Variants in SAMHD1 observed in about 807,000 individuals in gnomAD.
SAMHD1 encodes SAM and HD domain containing deoxynucleoside triphosphate triphosphohydrolase 1, also known as deoxynucleoside triphosphate triphosphohydrolase SAMHD1.
A neutral mutation model predicts 79.6 loss-of-function variants in SAMHD1; 54 were observed. The ratio of observed to expected loss-of-function variants is 0.68; its 90% CI spans 0.55 to 0.85. The LOEUF is 0.85. Among genes scored for constraint, SAMHD1 ranks in the 40% least tolerant of loss-of-function variants. The pLI is 0.00. For synonymous variants in SAMHD1, 260 were observed against 264.1 expected (o/e 0.98, Z 0.15); for missense variants, 663 against 782.7 (o/e 0.85, Z 1.82).
intron 15 of SAMHD1, 129 bp from the exon 16 acceptor site, chr20:36,893,195 A>G (rs1990123106): frequency 6.1e-6 from 7 of 1,150,756 alleles, no homozygotes; most frequent in Non-Finnish European, 2.5e-6. Flanking sequence ...TCCTCAATCC[A>G]GGGAAACTCC....
chr20:36,897,818 C>T lies in SAMHD1; in HGVS notation c.1746+4G>A, dbSNP rs886481222. On this transcript the variant is annotated splice_donor_region_variant and intron_variant, in intron 15 of 15. Coordinates refer to ENST00000646673, the MANE Select transcript of SAMHD1 (RefSeq NM_015474.4). ...GCAAAGTTTGTGAGTAACAGGCCACCTACCTGCGGCTTGGTGAAATTTCTG... is the reference window on the plus strand; with the variant it reads ...GCAAAGTTTGTGAGTAACAGGCCACTTACCTGCGGCTTGGTGAAATTTCTG... The T allele has an allele frequency of 6.2e-7, 1 of 1,614,062 alleles. No homozygotes were observed. Among genetic ancestry groups the T allele is most frequent in the African/African-American group, 1.3e-5 (1 of 74,920 alleles).
intron 2 of SAMHD1, among the ~76,000 whole-genome samples, chr20:36,944,077 C>CAAAAAAAAAAAAAAAAAA (rs542947370): frequency 1.1e-5 from 1 of 89,998 alleles, no homozygotes; most frequent in African/African-American, 4.1e-5. Context: ...GACTCCATCT[C>CAAAAAAAAAAAAAAAAAA]AAAAAAAAAA....
chr20:36,935,930 G>A (rs898016070), intron 3 of SAMHD1, among the ~76,000 whole-genome samples: 1 of 151,760 alleles, frequency 6.6e-6, no homozygotes, highest in African/African-American at 2.4e-5. Flanking sequence ...AGAAAAGAAA[G>A]AAGGGAGGCA....
chr20:36,928,321 G>A (rs932493584), intron 5 of SAMHD1, among the ~76,000 whole-genome samples: 10 of 151,820 alleles, frequency 6.6e-5, no homozygotes, highest in East Asian at 1.9e-4. Context: ...CCTGGGAAGC[G>A]GAGCTTGCAG....
chr20:36,940,981 C>T, intron 3 of SAMHD1, 58 bp downstream of exon 3: 1 of 1,284,902 alleles, frequency 7.8e-7, no homozygotes, highest in South Asian at 1.2e-5. Context: ...ATGAATTTTA[C>T]ATAATTGAGT....
intron 3 of SAMHD1, among the ~76,000 whole-genome samples, chr20:36,937,082 A>G (rs189501628): frequency 6.6e-6 from 1 of 151,312 alleles, no homozygotes; most frequent in African/African-American, 2.4e-5. Context: ...CAAAGGTTGC[A>G]GTGAGCTGAG....
chr20:36,940,732 C>A, intron 3 of SAMHD1: 1 of 413,066 alleles, frequency 2.4e-6, no homozygotes, highest in East Asian at 5.2e-5. Context: ...AGGAGGTCTT[C>A]AATAGTTTCT....
intron 11 of SAMHD1, among the ~76,000 whole-genome samples, chr20:36,909,680 CAAAAA>C (rs56389967): frequency 8.3e-6 from 1 of 121,212 alleles, no homozygotes; most frequent in Non-Finnish European, 1.6e-5. Context: ...CACCCCCCTC[CAAAAA>C]AAAAAAAAAA....
At position 36,946,126 on chromosome 20, in the gene SAMHD1, T is replaced by C. The variant is rs1252681784; in HGVS notation, c.275+612A>G. Reference sequence around the variant, plus strand: ...GGTGAAACCCCATCTCTACTAAAAGTACAAAAATCAGTGGGGCAGCCGGGC... The same window carrying C: ...GGTGAAACCCCATCTCTACTAAAAGCACAAAAATCAGTGGGGCAGCCGGGC... On this transcript the variant is annotated intron_variant, in intron 2 of 15. Coordinates refer to ENST00000646673, the MANE Select transcript of SAMHD1 (RefSeq NM_015474.4). Among the ~76,000 whole-genome samples the C allele has an allele frequency of 5.3e-5, 8 of 151,588 alleles. 1 individual carries two copies. The highest frequency in any genetic ancestry group is 5.3e-4 in the Admixed American group (8 of 15,170).
chr20:36,892,170 G>A lies in SAMHD1; in HGVS notation c.*762C>T, dbSNP rs989025724. 6.6e-6 allele frequency: 1 copy of A among 152,562 alleles called. No homozygotes were observed. Among genetic ancestry groups the A allele is most frequent in the African/African-American group, 2.4e-5 (1 of 41,460 alleles). The allele number at this position is 152,562 out of a possible 1,614,324, so 9.5% of individuals were successfully genotyped here. A position where few individuals can be genotyped will look rare whatever the true frequency, so the allele number is the denominator to read the frequency against. ...CGGCTTTATGTTCCACTCACGAAGAGGCCAGAGCTCTCAGATCTTCCCCAA... is the reference window on the plus strand; with the variant it reads ...CGGCTTTATGTTCCACTCACGAAGAAGCCAGAGCTCTCAGATCTTCCCCAA... On this transcript the variant is annotated 3_prime_UTR_variant, in exon 16 of 16. Transcript: ENST00000646673.
intron 9 of SAMHD1, among the ~76,000 whole-genome samples, chr20:36,914,087 C>T (rs1227661374): frequency 6.6e-6 from 1 of 150,806 alleles, no homozygotes; most frequent in Non-Finnish European, 1.5e-5. Context: ...TACTATACTA[C>T]TTTTTGATTA....
chr20:36,892,705 G>T lies in SAMHD1; in HGVS notation c.*227C>A. 1 of 609,974 alleles carries T rather than the reference G, an allele frequency of 1.6e-6. No individual in the cohort carries two copies. The highest frequency in any genetic ancestry group is 3.0e-5 in the East Asian group (1 of 33,466). 37.8% of individuals were successfully genotyped at this position (609,974 alleles called of 1,614,324 possible). On this transcript the variant is annotated 3_prime_UTR_variant, in exon 16 of 16. Transcript: ENST00000646673. ...GAAAATAGACTACTGAAGGAGAAAG[G>T]CTTTAATAATATTAAAAATAGGCAA...
chr20:36,910,413 A>T (rs187092402), intron 11 of SAMHD1, among the ~76,000 whole-genome samples: 4 of 151,864 alleles, frequency 2.6e-5, no homozygotes, highest in African/African-American at 9.7e-5. Context: ...AAAATAAATA[A>T]ATAAAAAAAA....
intron 9 of SAMHD1, among the ~76,000 whole-genome samples, chr20:36,913,551 G>C (rs188671581): frequency 2.7e-4 from 40 of 150,468 alleles, no homozygotes; most frequent in Middle Eastern, 3.5e-3. Flanking sequence ...TGCAGTGAGC[G>C]GAGATCACGC....
intron 11 of SAMHD1, among the ~76,000 whole-genome samples, chr20:36,905,846 G>A (rs1460902310): frequency 2.0e-5 from 3 of 151,802 alleles, no homozygotes; most frequent in African/African-American, 7.3e-5. Context: ...AGTGGCGGGC[G>A]CCTGTAATCC....
intron 3 of SAMHD1, among the ~76,000 whole-genome samples, chr20:36,936,679 TTTTG>T (rs985979333): frequency 3.3e-5 from 5 of 152,032 alleles, no homozygotes; most frequent in Admixed American, 2.0e-4. Flanking sequence ...TAACTGTCTT[TTTTG>T]TTTGTTTGTT....
intron 9 of SAMHD1, among the ~76,000 whole-genome samples, chr20:36,914,357 C>CT (rs34614830): frequency 0.2 from 30,006 of 147,608 alleles, 3,489 homozygotes; most frequent in African/African-American, 0.33. Flanking sequence ...TTCTTTCTTT[C>CT]TTTTTTTTTT....
At chr20:36,950,237 T>C (rs183844598) in intron 1 of SAMHD1, among the ~76,000 whole-genome samples, 8 of 151,564 alleles carry the variant, frequency 5.3e-5, no homozygotes, top group Admixed American at 2.0e-4. Context: ...ACAGAAAATA[T>C]GGAACTACTT....
At chr20:36,918,738 G>A (rs2063488996) in intron 7 of SAMHD1, among the ~76,000 whole-genome samples, 1 of 142,308 alleles carries the variant, frequency 7.0e-6, no homozygotes. Context: ...GGAGACAGAG[G>A]TTGCACTGCG....
Sources: allele counts gnomAD v4.1 joint callset (sites outside exome capture counted in the v4.1 genomes callset), GRCh38; gene constraint gnomAD v4.1.1; transcripts MANE v1.5; gene names NCBI Gene and HGNC (gene_info 2026-07-23, HGNC 2026-07-21).